Variants in RBFOX1 observed in about 807,000 individuals in gnomAD.
RBFOX1 encodes the protein RNA binding protein fox-1 homolog 1.
A neutral mutation model predicts 57.7 loss-of-function variants in RBFOX1; 8 were observed. That is an observed-to-expected ratio of 0.14 (90% CI 0.08 to 0.25). The LOEUF (loss-of-function observed/expected upper bound fraction) is 0.25. Among genes scored for constraint, RBFOX1 ranks in the 10% least tolerant of loss-of-function variants. The probability of loss-of-function intolerance (pLI) is 1.00; values close to 1 mark genes in which losing one functional copy is unlikely to be tolerated. For synonymous variants in RBFOX1, 326 were observed against 222.4 expected, an observed-to-expected ratio of 1.47 and a Z score of -4.15; for missense variants, 611 against 548.5, an observed-to-expected ratio of 1.11 and a Z score of -1.14.
chr16:7,454,794 G>A (rs959190178), intron 4 of RBFOX1, among the ~76,000 whole-genome samples: 2 of 152,290 alleles, frequency 1.3e-5, no homozygotes, highest in East Asian at 1.9e-4. Flanking sequence ...TCCCTTTTGA[G>A]ATTCCTCTTG....
chr16:6,268,869 C>T (rs952602631), intron 1 of RBFOX1, among the ~76,000 whole-genome samples: 8 of 152,130 alleles, frequency 5.3e-5, no homozygotes, highest in East Asian at 1.9e-4. Flanking sequence ...GCAGTCTTCC[C>T]GCAGTATCAG....
chr16:7,629,875 T>G (rs1445836657), intron 10 of RBFOX1, among the ~76,000 whole-genome samples: 1 of 152,176 alleles, frequency 6.6e-6, no homozygotes, highest in Admixed American at 6.5e-5. Context: ...GGCAGAGAGC[T>G]TTAGGGAAGA....
intron 4 of RBFOX1, among the ~76,000 whole-genome samples, chr16:7,192,047 T>G (rs1042054248): frequency 6.6e-6 from 1 of 152,166 alleles, no homozygotes; most frequent in Non-Finnish European, 1.5e-5. Flanking sequence ...GTTTTTAATC[T>G]ATTGATGCCC....
chr16:5,956,639 A>AATATATAT (rs1373907599), intron 4 of RBFOX1, among the ~76,000 whole-genome samples: 98 of 123,534 alleles, frequency 7.9e-4, no homozygotes, highest in African/African-American at 2.9e-3. Context: ...GCAAAAAACA[A>AATATATAT]ATATATATAT....
rs1376216946 is a variant in RBFOX1, at chr16:6,097,149, C to T, written c.-127+77157C>T. On this transcript the variant is annotated intron_variant, in intron 1 of 15. Transcript: ENST00000550418. This position sits in a 1 kb window ranked among gnomAD's most constrained non-coding sequence, Gnocchi z 5.0. Reference sequence around the variant, plus strand: ...ATCGCTTTCACTTCGTTCTTATATTCTTTCCTGTCTGCTGCCTTGTAAGAC... The same window carrying T: ...ATCGCTTTCACTTCGTTCTTATATTTTTTCCTGTCTGCTGCCTTGTAAGAC... Among the ~76,000 whole-genome samples, 1 of 152,138 alleles carries T rather than the reference C, an allele frequency of 6.6e-6. No homozygotes were observed. The highest frequency in any genetic ancestry group is 1.5e-5 in the Non-Finnish European group (1 of 68,036).
At chr16:6,695,592 C>T in intron 3 of RBFOX1, among the ~76,000 whole-genome samples, 1 of 151,682 alleles carries the variant, frequency 6.6e-6, no homozygotes, top group Non-Finnish European at 1.5e-5. Flanking sequence ...GAATGATGAG[C>T]ACTCTCAATA....
chr16:6,522,867 C>T (rs1384287707), intron 2 of RBFOX1, among the ~76,000 whole-genome samples: 1 of 152,094 alleles, frequency 6.6e-6, no homozygotes, highest in African/African-American at 2.4e-5. Flanking sequence ...CTCTCTCTAG[C>T]CACACTCTTT....
intron 2 of RBFOX1, among the ~76,000 whole-genome samples, chr16:6,379,013 G>T (rs185013511): frequency 6.6e-6 from 1 of 152,154 alleles, no homozygotes; most frequent in African/African-American, 2.4e-5. Flanking sequence ...AGCTCTTCAC[G>T]TGGGAGGTGA....
rs968656369 is a variant in RBFOX1 at position 6,169,607 on chromosome 16, A to G, written c.-126-147388A>G. Among the ~76,000 whole-genome samples the G allele has an allele frequency of 2.0e-5, 3 of 152,234 alleles. No individual in the cohort carries two copies. The East Asian group carries it at 5.8e-4, about 29-fold the overall frequency. On this transcript the variant is annotated intron_variant, in intron 1 of 15. Coordinates refer to ENST00000550418, the MANE Select transcript of RBFOX1 (RefSeq NM_018723.4). ...AAAAGGGAAATGAGGTACAGAAATT[A>G]GAAGTGAGGTACAGAACTGAGCTAG... is the stretch of plus-strand genomic sequence containing the variant.
At chr16:7,012,210 T>C (rs74010448) in intron 3 of RBFOX1, among the ~76,000 whole-genome samples, 6,026 of 152,278 alleles carry the variant, frequency 0.04, 420 homozygotes, top group African/African-American at 0.14. Flanking sequence ...CGGGTGTTTT[T>C]GTTCAACTTG....
chr16:6,037,913 G>A (rs557786900), intron 1 of RBFOX1: 3 of 152,024 alleles, frequency 2.0e-5, no homozygotes, highest in Non-Finnish European at 4.4e-5. Flanking sequence ...GCATTTCAAT[G>A]TGCATAACGC....
At chr16:7,318,399 T>G (rs1027546457) in intron 4 of RBFOX1, among the ~76,000 whole-genome samples, 2 of 152,012 alleles carry the variant, frequency 1.3e-5, no homozygotes, top group African/African-American at 4.8e-5. Context: ...TGAGAGTGAT[T>G]CTGGTTAGAT....
At chr16:7,138,076 T>G (rs1316765008) in intron 4 of RBFOX1, among the ~76,000 whole-genome samples, 2 of 152,148 alleles carry the variant, frequency 1.3e-5, no homozygotes, top group African/African-American at 4.8e-5. Context: ...AAGCAATGTT[T>G]GGAGAGAATG....
chr16:7,283,104 G>C (rs1259329452), intron 4 of RBFOX1, among the ~76,000 whole-genome samples: 2 of 151,922 alleles, frequency 1.3e-5, no homozygotes, highest in African/African-American at 4.8e-5. Flanking sequence ...TTTTTCCTCT[G>C]GGTAGATACC....
At chr16:7,074,441 C>T (rs1347842565) in intron 4 of RBFOX1, among the ~76,000 whole-genome samples, 2 of 151,958 alleles carry the variant, frequency 1.3e-5, no homozygotes, top group African/African-American at 2.4e-5. Flanking sequence ...ATTGACAGTA[C>T]AGTATCTGAA....
At chr16:6,509,364 G>A in intron 2 of RBFOX1, among the ~76,000 whole-genome samples, 1 of 152,192 alleles carries the variant, frequency 6.6e-6, no homozygotes, top group African/African-American at 2.4e-5. Flanking sequence ...TAAAAAGAAT[G>A]AGATCCTGTC....
At chr16:5,920,758 A>T (rs1233149886) in intron 4 of RBFOX1, among the ~76,000 whole-genome samples, 2 of 152,202 alleles carry the variant, frequency 1.3e-5, no homozygotes, top group Non-Finnish European at 2.9e-5. Context: ...AACTGGAATT[A>T]AAACGTCCTT....
chr16:6,106,494 C>T (rs946357215), intron 1 of RBFOX1, among the ~76,000 whole-genome samples: 19 of 142,576 alleles, frequency 1.3e-4, no homozygotes, highest in East Asian at 8.5e-4. Context: ...AAGGTAGTTC[C>T]ATGCTCTTAT....
chr16:6,666,906 A>G (rs2098736593), intron 3 of RBFOX1, among the ~76,000 whole-genome samples: 1 of 152,106 alleles, frequency 6.6e-6, no homozygotes, highest in Non-Finnish European at 1.5e-5. Flanking sequence ...GAACCATCAA[A>G]ATGCTCACGG....
Sources: gnomAD v4.1 joint callset for allele counts (sites outside exome capture counted in the v4.1 genomes callset) on GRCh38, gnomAD v4.1.1 for gene constraint, Gnocchi (gnomAD v3.1) non-coding constraint, MANE v1.5 for transcripts, NCBI Gene and HGNC (gene_info 2026-07-23, HGNC 2026-07-21) for gene names.